Variants in ZNF385D observed in about 807,000 individuals in gnomAD.
ZNF385D encodes zinc finger protein 659.
In ZNF385D, 15 loss-of-function variants were observed where a neutral mutation model predicts 35.8. The observed-to-expected ratio is 0.42, with a 90% confidence interval of 0.28 to 0.64. The LOEUF is 0.64. Ranked by LOEUF, ZNF385D falls within the 30% of genes least tolerant of loss-of-function variation. The pLI is 0.23. For missense variants in ZNF385D, 474 were observed against 494.6 expected (o/e 0.96, Z 0.39); for synonymous variants, 212 against 186.8 (o/e 1.13, Z -1.10).
intron 3 of ZNF385D, among the ~76,000 whole-genome samples, chr3:21,551,827 T>C (rs574202606): frequency 6.6e-6 from 1 of 152,218 alleles, no homozygotes; most frequent in Admixed American, 6.5e-5. Flanking sequence ...TTTTAAAAGT[T>C]ATCTGCAGGG....
intron 3 of ZNF385D, among the ~76,000 whole-genome samples, chr3:21,863,866 A>G (rs1200088605): frequency 6.6e-6 from 1 of 152,132 alleles, no homozygotes; most frequent in Non-Finnish European, 1.5e-5. Flanking sequence ...TCTATAAAAT[A>G]TGAACATAAT....
intron 3 of ZNF385D, among the ~76,000 whole-genome samples, chr3:21,548,162 C>T (rs958367688): frequency 5.9e-5 from 9 of 152,118 alleles, no homozygotes; most frequent in Non-Finnish European, 1.2e-4. Flanking sequence ...TCACCCTTTA[C>T]GCCATTTGGG....
At chr3:22,315,915 T>TA (rs34516431) in intron 2 of ZNF385D, among the ~76,000 whole-genome samples, 15 of 152,322 alleles carry the variant, frequency 9.8e-5, no homozygotes, top group Admixed American at 5.9e-4. Flanking sequence ...TGAATTCTGC[T>TA]AAAAAGTAGG....
intron 2 of ZNF385D, among the ~76,000 whole-genome samples, chr3:22,264,948 A>T (rs954705128): frequency 1.3e-5 from 2 of 151,954 alleles, no homozygotes; most frequent in Non-Finnish European, 1.5e-5. Flanking sequence ...TAGTAGCCTC[A>T]GAAGTTCCTC....
intron 3 of ZNF385D, among the ~76,000 whole-genome samples, chr3:21,536,025 T>TAAAA (rs1479664874): frequency 1.7e-5 from 2 of 117,052 alleles, no homozygotes; most frequent in East Asian, 5.6e-4. Context: ...TCTATTATGT[T>TAAAA]TAATAAATAT....
intron 3 of ZNF385D, among the ~76,000 whole-genome samples, chr3:21,966,437 C>T (rs1486404981): frequency 6.6e-6 from 1 of 152,226 alleles, no homozygotes; most frequent in South Asian, 2.1e-4. Flanking sequence ...TTTTAATTAC[C>T]CTAACATTTC....
intron 3 of ZNF385D, among the ~76,000 whole-genome samples, chr3:21,937,928 A>G (rs1416437761): frequency 6.6e-6 from 1 of 152,208 alleles, no homozygotes; most frequent in East Asian, 1.9e-4. Flanking sequence ...GTAGAAAATA[A>G]CATTCTTCAA....
chr3:21,895,494 ATTTT>A (rs1221696542), intron 3 of ZNF385D, among the ~76,000 whole-genome samples: 2 of 131,470 alleles, frequency 1.5e-5, no homozygotes, highest in East Asian at 4.4e-4. Flanking sequence ...TGCCTGGCTA[ATTTT>A]TTTTTTTTTT....
intron 1 of ZNF385D, among the ~76,000 whole-genome samples, chr3:21,715,179 G>T (rs1329600885): frequency 6.6e-6 from 1 of 152,028 alleles, no homozygotes. Context: ...GACTTTCAGG[G>T]TATCCATCAC....
intron 1 of ZNF385D, among the ~76,000 whole-genome samples, chr3:21,693,904 G>A (rs1313638720): frequency 1.3e-4 from 18 of 137,806 alleles, no homozygotes; most frequent in East Asian, 4.2e-4. Flanking sequence ...TTTTTGAGAC[G>A]GAGTCTCACT....
At chr3:21,932,302 T>C (rs1344970579) in intron 3 of ZNF385D, among the ~76,000 whole-genome samples, 11 of 151,850 alleles carry the variant, frequency 7.2e-5, no homozygotes, top group Non-Finnish European at 1.6e-4. Flanking sequence ...GCTGCCTTTG[T>C]AAATGTTCCT....
chr3:21,978,284 G>T (rs1703763810), intron 3 of ZNF385D: 1 of 152,186 alleles, frequency 6.6e-6, no homozygotes, highest in Non-Finnish European at 1.5e-5. Context: ...TCAGGCACTT[G>T]TTAAAAAGTA....
At chr3:21,949,414 G>T (rs528883132) in intron 3 of ZNF385D, among the ~76,000 whole-genome samples, 1 of 151,956 alleles carries the variant, frequency 6.6e-6, no homozygotes, top group Non-Finnish European at 1.5e-5. Context: ...TATCTTTATT[G>T]TTGGGCCTCT....
At chr3:21,733,813 C>A (rs1373910930) in intron 1 of ZNF385D, among the ~76,000 whole-genome samples, 1 of 152,056 alleles carries the variant, frequency 6.6e-6, no homozygotes, top group Non-Finnish European at 1.5e-5. Flanking sequence ...AAATGTGTAT[C>A]CAGTTGTCCC....
chr3:22,203,073 G>T (rs1423539275), intron 2 of ZNF385D, among the ~76,000 whole-genome samples: 1 of 152,046 alleles, frequency 6.6e-6, no homozygotes, highest in African/African-American at 2.4e-5. Context: ...CTATGGGAGT[G>T]CTTCTGCTAC....
intron 3 of ZNF385D, among the ~76,000 whole-genome samples, chr3:21,931,222 C>A (rs747286527): frequency 8.6e-5 from 13 of 151,972 alleles, no homozygotes; most frequent in Non-Finnish European, 1.5e-4. Context: ...TAAGAAAATG[C>A]AAATTAAAAT....
At chr3:22,148,277 A>G (rs980833734) in intron 3 of ZNF385D, among the ~76,000 whole-genome samples, 5 of 152,234 alleles carry the variant, frequency 3.3e-5, no homozygotes, top group African/African-American at 1.2e-4. Flanking sequence ...CAGAAGCAGT[A>G]AAAGTCTTAT....
chr3:22,276,948 C>T (rs1575016192), intron 2 of ZNF385D, among the ~76,000 whole-genome samples: 1 of 151,980 alleles, frequency 6.6e-6, no homozygotes, highest in Admixed American at 6.6e-5. Flanking sequence ...TCAACACATG[C>T]ATTCACTTAA....
chr3:21,741,657 A>T (rs1246687120), intron 1 of ZNF385D, among the ~76,000 whole-genome samples: 1 of 151,868 alleles, frequency 6.6e-6, no homozygotes, highest in African/African-American at 2.4e-5. Context: ...TAGTAGGTCC[A>T]TTCAGCCAAA....
Sources: gnomAD v4.1 joint callset for allele counts (sites outside exome capture counted in the v4.1 genomes callset) on GRCh38, gnomAD v4.1.1 for gene constraint, MANE v1.5 for transcripts, NCBI Gene and HGNC (gene_info 2026-07-23, HGNC 2026-07-21) for gene names.